The following MYO1D variants were observed in gnomAD, a reference collection of about 807,000 sequenced individuals.
The protein encoded by MYO1D is myosin ID, also known as unconventional myosin-Id.
Under a neutral mutation model 122.0 loss-of-function variants are expected in MYO1D, and 83 were observed. That is an observed-to-expected ratio of 0.68 (90% confidence interval 0.57 to 0.82). The LOEUF (loss-of-function observed/expected upper bound fraction) is 0.82. MYO1D is among the 40% of genes least tolerant of loss of function. The pLI, the probability that MYO1D is intolerant of heterozygous loss-of-function variation, is 0.00. For synonymous variants in MYO1D, 464 were observed against 446.9 expected, an observed-to-expected ratio of 1.04 and a Z score of -0.48; for missense variants, 1,157 against 1,269.5, an observed-to-expected ratio of 0.91 and a Z score of 1.35.
intron 19 of MYO1D, among the ~76,000 whole-genome samples, chr17:32,640,602 T>C (rs2088184117): frequency 6.7e-6 from 1 of 149,768 alleles, no homozygotes; most frequent in Non-Finnish European, 1.5e-5. Flanking sequence ...TGCGATAGTT[T>C]ACTGAGAATG....
intron 16 of MYO1D, among the ~76,000 whole-genome samples, chr17:32,673,707 T>C (rs1211578023): frequency 6.6e-6 from 1 of 152,170 alleles, no homozygotes; most frequent in Non-Finnish European, 1.5e-5. Flanking sequence ...GCCTAGGTGA[T>C]ATAGTGATAT....
At chr17:32,567,726 C>T (rs2087186142) in intron 21 of MYO1D, among the ~76,000 whole-genome samples, 2 of 152,154 alleles carry the variant, frequency 1.3e-5, no homozygotes, top group African/African-American at 4.8e-5. Context: ...TCATCAAGTC[C>T]AAGTAGCCCT....
intron 21 of MYO1D, among the ~76,000 whole-genome samples, chr17:32,524,032 G>A (rs958463817): frequency 6.6e-6 from 1 of 152,210 alleles, no homozygotes; most frequent in African/African-American, 2.4e-5. Flanking sequence ...GCACAGTGCC[G>A]TGCGTAATCA....
intron 11 of MYO1D, 72 bp from the exon 12 acceptor site, chr17:32,749,078 T>C (rs527582492): frequency 1.5e-6 from 2 of 1,304,162 alleles, no homozygotes; most frequent in Non-Finnish European, 2.2e-6. Context: ...TCCAGCTTAA[T>C]ATGAAATGAT....
rs553013595 is a variant in MYO1D, at chr17:32,850,702, T to C, written c.95+26076A>G. ...CTCCCTAACTCACTCTTATGTACCC[T>C]GTTTTTTGTTTGTTTGAGATACACC... On this transcript the variant is annotated intron_variant, in intron 1 of 21. Transcript: ENST00000318217. Among the ~76,000 whole-genome samples the C allele has an allele frequency of 3.9e-5, 6 of 152,316 alleles. No individual in the cohort carries two copies. In the South Asian group the frequency reaches 1.2e-3, roughly 32 times the overall value.
chr17:32,580,818 T>G (rs1271397645), intron 21 of MYO1D, among the ~76,000 whole-genome samples: 1 of 152,226 alleles, frequency 6.6e-6, no homozygotes, highest in Non-Finnish European at 1.5e-5. Context: ...TTGTTGGATT[T>G]GATTAGTTAT....
intron 11 of MYO1D, 65 bp from the exon 12 acceptor site, chr17:32,749,071 A>C: frequency 2.2e-6 from 3 of 1,356,370 alleles, no homozygotes; most frequent in South Asian, 2.4e-5. Context: ...AATATATTCC[A>C]GCTTAATATG....
intron 1 of MYO1D, among the ~76,000 whole-genome samples, chr17:32,798,722 G>C (rs1309704034): frequency 6.6e-6 from 1 of 152,158 alleles, no homozygotes; most frequent in Non-Finnish European, 1.5e-5. Context: ...GCTAAATTTG[G>C]AAGGGTGTAA....
Position 32,764,992 on chromosome 17 carries a change from C to G in MYO1D, c.921G>C (p.Lys307Asn), listed in dbSNP as rs1466985269. 2.5e-6 allele frequency: 4 copies of G among 1,614,134 alleles called. No individual in the cohort carries two copies. In the Admixed American group the frequency reaches 6.7e-5, roughly 27 times the overall value. Residue 307 changes from lysine to asparagine, a missense_variant, in exon 8 of 22, where the codon AAG (lysine) becomes AAC (asparagine). Physicochemically the swap from Lys to Asn is moderately conservative, Grantham distance 94. Coordinates refer to ENST00000318217, the MANE Select transcript of MYO1D (RefSeq NM_015194.3). Reference sequence around the variant, plus strand: ...GAAGGGCTTTCTCAACCATATCTGTCTTAGTAGAGAGCAATTCTGCTATGA... The same window carrying G: ...GAAGGGCTTTCTCAACCATATCTGTGTTAGTAGAGAGCAATTCTGCTATGA... ...VSIIAELLST[K>N]TDMVEKALLY...
At chr17:32,520,538 TGAGATTATAATA>T (rs1220473129) in intron 21 of MYO1D, among the ~76,000 whole-genome samples, 3 of 152,216 alleles carry the variant, frequency 2.0e-5, no homozygotes, top group Non-Finnish European at 4.4e-5. Context: ...CCATGCTTTG[TGAGATTATAATA>T]GAGAGGCATG....
Position 32,802,905 on chromosome 17 carries a change from G to T in MYO1D, c.96-22121C>A, listed in dbSNP as rs1598111093. ...TACCTGCTGGTCTAAAAAAGCTGGA[G>T]GTTTCATTTTGTCTTGGTTTTAGAT... On this transcript the variant is annotated intron_variant, in intron 1 of 21. Transcript: ENST00000318217. 2.6e-5 allele frequency among the ~76,000 whole-genome samples: 4 copies of T among 152,086 alleles called. No homozygotes were observed. The East Asian group carries it at 7.7e-4, about 29-fold the overall frequency.
chr17:32,677,183 T>C (rs2088823938), intron 16 of MYO1D, among the ~76,000 whole-genome samples: 1 of 152,192 alleles, frequency 6.6e-6, no homozygotes, highest in African/African-American at 2.4e-5. Context: ...CTGCTATAGT[T>C]AGAAAGGCCT....
intron 14 of MYO1D, among the ~76,000 whole-genome samples, chr17:32,734,084 T>C (rs2089669269): frequency 6.6e-6 from 1 of 152,246 alleles, no homozygotes; most frequent in African/African-American, 2.4e-5. Context: ...TAGGGATTAA[T>C]GGCTCCACAA....
chr17:32,678,599 T>C (rs908142286), intron 16 of MYO1D, among the ~76,000 whole-genome samples: 2 of 151,642 alleles, frequency 1.3e-5, no homozygotes, highest in Non-Finnish European at 2.9e-5. Flanking sequence ...CATCATTTTT[T>C]ATGGCTGCAT....
In MYO1D at chr17:32,659,195, G is replaced by A. The variant is rs1161187318; in HGVS notation, c.2265C>T (p.Asp755=). 1 of 1,614,206 alleles carries A rather than the reference G, an allele frequency of 6.2e-7. No individual in the cohort carries two copies. The highest frequency in any genetic ancestry group is 8.5e-7 in the Non-Finnish European group (1 of 1,180,036). Residue 755 remains aspartate, a synonymous_variant, in exon 17 of 22, where the codon GAC becomes GAT. Coordinates refer to ENST00000318217, the MANE Select transcript of MYO1D (RefSeq NM_015194.3). ...TTGGCCACTTCACGTGCTTCCCGTA[G>A]TCTCGCATGGTCTTGACGCCATGGA... ...RRFHGVKTMR[D]YGKHVKWPSP...
intron 1 of MYO1D, among the ~76,000 whole-genome samples, chr17:32,790,383 C>T (rs2090338090): frequency 6.6e-6 from 1 of 152,186 alleles, no homozygotes; most frequent in African/African-American, 2.4e-5. Flanking sequence ...CATCATTCCA[C>T]ACCTGTTTGT....
chr17:32,560,528 C>T (rs1421779272), intron 21 of MYO1D, among the ~76,000 whole-genome samples: 30 of 65,368 alleles, frequency 4.6e-4, no homozygotes, highest in Non-Finnish European at 5.8e-4. Flanking sequence ...CCAGAGACAA[C>T]ATATATATAT....
chr17:32,547,227 G>A (rs1182727313), intron 21 of MYO1D, among the ~76,000 whole-genome samples: 1 of 152,106 alleles, frequency 6.6e-6, no homozygotes, highest in African/African-American at 2.4e-5. Context: ...CTAACTCAAA[G>A]CAGCAATCAA....
chr17:32,874,553 G>C (rs550428437), intron 1 of MYO1D, among the ~76,000 whole-genome samples: 1 of 152,288 alleles, frequency 6.6e-6, no homozygotes, highest in South Asian at 2.1e-4. Context: ...CTCTTCGAGA[G>C]GTAAGCAGCA....
Sources: allele counts gnomAD v4.1 joint callset (sites outside exome capture counted in the v4.1 genomes callset), GRCh38; gene constraint gnomAD v4.1.1; transcripts MANE v1.5; gene names NCBI Gene and HGNC (gene_info 2026-07-23, HGNC 2026-07-21).